TNFRSF11A: variants seen among roughly 807,000 people sequenced by gnomAD.
TNFRSF11A encodes the protein tumor necrosis factor receptor superfamily member 11A.
TNFRSF11A carries 32 observed loss-of-function variants against 55.7 expected under a neutral mutation model. That is an observed-to-expected ratio of 0.57 (90% CI 0.43 to 0.77). The LOEUF is 0.77. Ranked by LOEUF, TNFRSF11A falls within the 30% of genes least tolerant of loss-of-function variation. TNFRSF11A has a pLI of 0.00. For missense variants in TNFRSF11A, 753 were observed against 809.8 expected, an observed-to-expected ratio of 0.93 and a Z score of 0.85; for synonymous variants, 311 against 331.0, an observed-to-expected ratio of 0.94 and a Z score of 0.65.
chr18:62,361,528 C>T (rs1909684445), intron 6 of TNFRSF11A, 152 bp from the exon 7 acceptor site: 12 of 770,094 alleles, frequency 1.6e-5, no homozygotes, highest in South Asian at 4.2e-5. Flanking sequence ...TGAGTGCTCG[C>T]GGACAAAGGG....
At position 62,325,341 on chromosome 18, in the gene TNFRSF11A, C is replaced by T; in HGVS notation, c.-12C>T. The T allele has an allele frequency of 9.9e-7, 1 of 1,012,010 alleles. No individual in the cohort carries two copies. The highest frequency in any genetic ancestry group is 4.2e-5 in the South Asian group (1 of 23,914). The allele number at this position is 1,012,010 out of a possible 1,614,324, so 62.7% of individuals were successfully genotyped here. A position where few individuals can be genotyped will look rare whatever the true frequency, so the allele number is the denominator to read the frequency against. ...CGCTGAGGCCGCGGCGCCCGCCAGCCTGTCCCGCGCCATGGCCCCGCGCGC... is the reference window on the plus strand; with the variant it reads ...CGCTGAGGCCGCGGCGCCCGCCAGCTTGTCCCGCGCCATGGCCCCGCGCGC... On this transcript the variant is annotated 5_prime_UTR_variant, in exon 1 of 10. Coordinates refer to ENST00000586569, the MANE Select transcript of TNFRSF11A (RefSeq NM_003839.4). The surrounding 1 kb of genome is among the most constrained non-coding windows in gnomAD (Gnocchi z 4.7).
chr18:62,329,183 G>A (rs979094909), intron 1 of TNFRSF11A, among the ~76,000 whole-genome samples: 3 of 152,186 alleles, frequency 2.0e-5, no homozygotes, highest in Non-Finnish European at 4.4e-5. Flanking sequence ...ATGTTGTCTA[G>A]GCCATTTTTT....
intron 4 of TNFRSF11A, 53 bp from the exon 5 acceptor site, chr18:62,358,195 C>G: frequency 6.5e-7 from 1 of 1,550,226 alleles, no homozygotes; most frequent in Non-Finnish European, 8.8e-7. Context: ...TAAGTGACCT[C>G]GTTTGTTTTT....
chr18:62,344,862 C>A (rs1421958794), intron 1 of TNFRSF11A, among the ~76,000 whole-genome samples: 4 of 152,188 alleles, frequency 2.6e-5, no homozygotes, highest in South Asian at 2.1e-4. Context: ...AGAGGATGAA[C>A]CTGACAGGCC....
chr18:62,377,619 A>G (rs770535046), intron 9 of TNFRSF11A, among the ~76,000 whole-genome samples: 3 of 152,182 alleles, frequency 2.0e-5, no homozygotes, highest in Non-Finnish European at 4.4e-5. Context: ...ACTGTTGCAT[A>G]AATTCTCACT....
rs144546522 is a variant in TNFRSF11A, at chr18:62,359,191, G to T, written c.522-764G>T. Among the ~76,000 whole-genome samples, 1,024 of 152,152 alleles carry T rather than the reference G, an allele frequency of 6.7e-3. 22 individuals carry two copies. The highest frequency in any genetic ancestry group is 0.024 in the African/African-American group (983 of 41,514). ...GCTTGAGCCCAGGAGTTTGAGAACA[G>T]CCTGGGCAACATAGCAAGACCCCAT... is the stretch of plus-strand genomic sequence containing the variant. On this transcript the variant is annotated intron_variant, in intron 5 of 9. Coordinates refer to ENST00000586569, the MANE Select transcript of TNFRSF11A (RefSeq NM_003839.4).
rs367729114 is a variant in TNFRSF11A, at chr18:62,384,747, G to T, written c.1568-4G>T. On this transcript the variant is annotated splice_region_variant and splice_polypyrimidine_tract_variant and intron_variant, in intron 9 of 9. Coordinates refer to ENST00000586569, the MANE Select transcript of TNFRSF11A (RefSeq NM_003839.4). Reference sequence around the variant, plus strand: ...CCCCGTGTTCTCCCTTCCTCTCCCCGCAGGAAATGTGACTGGAAACAGTAA... The same window carrying T: ...CCCCGTGTTCTCCCTTCCTCTCCCCTCAGGAAATGTGACTGGAAACAGTAA... 92 of 1,610,526 alleles carry T rather than the reference G, an allele frequency of 5.7e-5. No individual in the cohort carries two copies. The highest frequency in any genetic ancestry group is 5.4e-4 in the South Asian group (49 of 90,184).
At chr18:62,363,399 C>T (rs1469944490) in intron 7 of TNFRSF11A, among the ~76,000 whole-genome samples, 4 of 139,768 alleles carry the variant, frequency 2.9e-5, no homozygotes, top group Admixed American at 7.5e-5. Flanking sequence ...GACAGAGTCT[C>T]GCTCTGTCGC....
chr18:62,384,679 C>G, intron 9 of TNFRSF11A, 72 bp from the exon 10 acceptor site: 1 of 1,563,624 alleles, frequency 6.4e-7, no homozygotes. Context: ...CTCCCCGGAA[C>G]CTTCCTCTCG....
chr18:62,348,997 AGAG>A (rs1464186898), intron 2 of TNFRSF11A, among the ~76,000 whole-genome samples: 1 of 152,150 alleles, frequency 6.6e-6, no homozygotes, highest in African/African-American at 2.4e-5. Flanking sequence ...TAGTAAGTGT[AGAG>A]GAAGTTAACA....
At chr18:62,381,172 A>G (rs1268188088) in intron 9 of TNFRSF11A, among the ~76,000 whole-genome samples, 1 of 152,226 alleles carries the variant, frequency 6.6e-6, no homozygotes, top group African/African-American at 2.4e-5. Context: ...TATTCTACTT[A>G]GGCAAAAGGG....
At chr18:62,351,949 A>G (rs1037237274) in intron 3 of TNFRSF11A, among the ~76,000 whole-genome samples, 2 of 152,096 alleles carry the variant, frequency 1.3e-5, no homozygotes, top group African/African-American at 4.8e-5. Flanking sequence ...GGCACGTGCC[A>G]CCATGCCCTG....
intron 9 of TNFRSF11A, among the ~76,000 whole-genome samples, chr18:62,377,734 GTTAT>G (rs779417410): frequency 6.6e-6 from 1 of 152,130 alleles, no homozygotes; most frequent in Non-Finnish European, 1.5e-5. Flanking sequence ...TTTTAATCGG[GTTAT>G]TTGTTTTCTT....
intron 7 of TNFRSF11A, among the ~76,000 whole-genome samples, chr18:62,364,475 C>T (rs1909931058): frequency 6.6e-6 from 1 of 152,092 alleles, no homozygotes; most frequent in Admixed American, 6.6e-5. Flanking sequence ...GATGCAGGCG[C>T]ACCAGTTAGG....
In TNFRSF11A at chr18:62,385,071, AG is replaced by A. The variant is rs1251471366; in HGVS notation, c.*40del. 3 of 1,435,214 alleles carry A rather than the reference AG, an allele frequency of 2.1e-6. No homozygotes were observed. The highest frequency in any genetic ancestry group is 1.8e-6 in the Non-Finnish European group (2 of 1,104,326). The allele number at this position is 1,435,214 out of a possible 1,614,324, so 88.9% of individuals were successfully genotyped here. A position where few individuals can be genotyped will look rare whatever the true frequency, so the allele number is the denominator to read the frequency against. On this transcript the variant is annotated 3_prime_UTR_variant, in exon 10 of 10. Transcript: ENST00000586569. ...GGCTGGGAGCCCGAAGCTCGGAGCCAGGGCTCGCGAGGGCAGCACCGCAGCC... is the reference window on the plus strand; with the variant it reads ...GGCTGGGAGCCCGAAGCTCGGAGCCAGGCTCGCGAGGGCAGCACCGCAGCC...
intron 7 of TNFRSF11A, among the ~76,000 whole-genome samples, chr18:62,362,619 C>G (rs1355026245): frequency 6.6e-6 from 1 of 151,696 alleles, no homozygotes; most frequent in African/African-American, 2.4e-5. Context: ...TTTTCCCACA[C>G]AAATTTGTTA....
chr18:62,353,659 AT>A (rs1397816679), intron 3 of TNFRSF11A, among the ~76,000 whole-genome samples: 4 of 152,160 alleles, frequency 2.6e-5, no homozygotes. Context: ...AGGACTATTG[AT>A]TGATCAATAA....
At chr18:62,379,958 G>A (rs1026222251) in intron 9 of TNFRSF11A, among the ~76,000 whole-genome samples, 3 of 152,190 alleles carry the variant, frequency 2.0e-5, no homozygotes, top group South Asian at 2.1e-4. Flanking sequence ...TTCCGAAAAC[G>A]GTAGTGCTAG....
At position 62,391,035 on chromosome 18, in the gene TNFRSF11A, C is replaced by G. The variant is rs1911972727; in HGVS notation, c.*6001C>G. The G allele has an allele frequency of 6.6e-6, 1 of 152,256 alleles. No homozygotes were observed. The highest frequency in any genetic ancestry group is 2.4e-5 in the African/African-American group (1 of 41,464). The allele number at this position is 152,256 out of a possible 1,614,324, so 9.4% of individuals were successfully genotyped here. On this transcript the variant is annotated 3_prime_UTR_variant, in exon 10 of 10. Coordinates refer to ENST00000586569, the MANE Select transcript of TNFRSF11A (RefSeq NM_003839.4). The stretch of plus-strand genomic sequence containing the variant: ...TCAATCCCTTCCCCACTACCCCTAG[C>G]CCCTGGCAACCATTATCTGTTCTCT...
Sources: gnomAD v4.1 joint callset for allele counts (sites outside exome capture counted in the v4.1 genomes callset) on GRCh38, gnomAD v4.1.1 for gene constraint, Gnocchi (gnomAD v3.1) non-coding constraint, MANE v1.5 for transcripts, NCBI Gene and HGNC (gene_info 2026-07-23, HGNC 2026-07-21) for gene names.